The following PARD3 variants were observed in gnomAD, a reference collection of about 807,000 sequenced individuals.
The protein encoded by PARD3 is partitioning defective 3 homolog.
PARD3 carries 75 observed loss-of-function variants against 155.4 expected under a neutral mutation model. That is an observed-to-expected ratio of 0.48 (90% confidence interval 0.40 to 0.58). The LOEUF is 0.58. Ranked by LOEUF, PARD3 falls within the 20% of genes least tolerant of loss-of-function variation. The pLI, the probability that PARD3 is intolerant of heterozygous loss-of-function variation, is 0.00. For synonymous variants in PARD3, 576 were observed against 610.5 expected, an observed-to-expected ratio of 0.94 and a Z score of 0.83; for missense variants, 1,642 against 1,721.7, an observed-to-expected ratio of 0.95 and a Z score of 0.82.
At chr10:34,576,318 G>T (rs1361724940) in intron 2 of PARD3, among the ~76,000 whole-genome samples, 1 of 152,172 alleles carries the variant, frequency 6.6e-6, no homozygotes, top group East Asian at 1.9e-4. Flanking sequence ...ACCTTCCAGA[G>T]GGGCTGTCTG....
At chr10:34,211,983 C>T (rs945940007) in intron 22 of PARD3, among the ~76,000 whole-genome samples, 6 of 150,834 alleles carry the variant, frequency 4.0e-5, no homozygotes, top group Non-Finnish European at 8.8e-5. Flanking sequence ...TGGTATATCA[C>T]GTAAGATGTT....
At chr10:34,632,251 C>T (rs1035404579) in intron 2 of PARD3, among the ~76,000 whole-genome samples, 16 of 152,146 alleles carry the variant, frequency 1.1e-4, no homozygotes, top group African/African-American at 3.4e-4. Context: ...AAAGCAAGAC[C>T]GTGTCTCAAA....
rs576487752 is a variant in PARD3, at chr10:34,221,092, C to A, written c.3419+48565G>T. On this transcript the variant is annotated intron_variant, in intron 22 of 24. Coordinates refer to ENST00000374788, the MANE Select transcript of PARD3 (RefSeq NM_001184785.2). ...CAGGACCTCCTCCGTGGGTGTGCAACCCTGACAGGCACACAGAACCCAAGC... is the reference window on the plus strand; with the variant it reads ...CAGGACCTCCTCCGTGGGTGTGCAAACCTGACAGGCACACAGAACCCAAGC... 9.8e-5 allele frequency among the ~76,000 whole-genome samples: 15 copies of A among 152,312 alleles called. No individual in the cohort carries two copies. In the East Asian group the frequency reaches 2.7e-3, roughly 27 times the overall value.
chr10:34,415,711 G>C (rs917614846), intron 5 of PARD3, among the ~76,000 whole-genome samples: 1 of 152,130 alleles, frequency 6.6e-6, no homozygotes, highest in African/African-American at 2.4e-5. Flanking sequence ...GGAGACACTT[G>C]GAGGGGACAC....
intron 22 of PARD3, among the ~76,000 whole-genome samples, chr10:34,201,224 G>T (rs1951194472): frequency 1.3e-5 from 2 of 152,126 alleles, no homozygotes; most frequent in Admixed American, 1.3e-4. Flanking sequence ...GAGGATAAAG[G>T]GAACCAAGGC....
chr10:34,427,952 G>A (rs1221750220), intron 5 of PARD3, among the ~76,000 whole-genome samples: 1 of 152,142 alleles, frequency 6.6e-6, no homozygotes, highest in East Asian at 1.9e-4. Context: ...GAATGGGGGA[G>A]CTGGACAGTG....
At chr10:34,122,880 A>C (rs2132703280) in intron 23 of PARD3, among the ~76,000 whole-genome samples, 1 of 152,370 alleles carries the variant, frequency 6.6e-6, no homozygotes, top group Admixed American at 6.5e-5. Flanking sequence ...TGGCATGAAC[A>C]AAATAATGTA....
At chr10:34,790,253 C>T (rs189946990) in intron 1 of PARD3, among the ~76,000 whole-genome samples, 22 of 152,288 alleles carry the variant, frequency 1.4e-4, no homozygotes, top group Admixed American at 3.3e-4. Context: ...AAATAAAACA[C>T]GCTCACACAT....
intron 5 of PARD3, among the ~76,000 whole-genome samples, chr10:34,428,962 AAGAAT>A (rs1162438287): frequency 6.6e-6 from 1 of 152,220 alleles, no homozygotes; most frequent in Non-Finnish European, 1.5e-5. Context: ...TAGTAAAGAA[AAGAAT>A]AAACAATAAA....
At chr10:34,566,335 T>TACAGCAAAAC (rs1202075900) in intron 2 of PARD3, among the ~76,000 whole-genome samples, 1 of 152,186 alleles carries the variant, frequency 6.6e-6, no homozygotes, top group East Asian at 1.9e-4. Context: ...AGCTTAATCT[T>TACAGCAAAAC]ACAGCAAAAC....
chr10:34,445,319 T>C (rs2076682333), intron 5 of PARD3, among the ~76,000 whole-genome samples: 1 of 152,140 alleles, frequency 6.6e-6, no homozygotes, highest in South Asian at 2.1e-4. Context: ...TCTGAAAAAA[T>C]TTGAGAGGGA....
At chr10:34,746,018 C>A (rs7477851) in intron 1 of PARD3, among the ~76,000 whole-genome samples, 1 of 152,012 alleles carries the variant, frequency 6.6e-6, no homozygotes, top group Non-Finnish European at 1.5e-5. Context: ...AGGAGAATGG[C>A]GTGAATCCAG....
At chr10:34,194,235 TA>T (rs1249712709) in intron 22 of PARD3, among the ~76,000 whole-genome samples, 1 of 152,148 alleles carries the variant, frequency 6.6e-6, no homozygotes, top group Non-Finnish European at 1.5e-5. Flanking sequence ...CTTCTAGTTG[TA>T]AAATAATGTT....
At chr10:34,252,332 G>A (rs1255372614) in intron 22 of PARD3, among the ~76,000 whole-genome samples, 1 of 152,094 alleles carries the variant, frequency 6.6e-6, no homozygotes, top group Non-Finnish European at 1.5e-5. Flanking sequence ...CCCTCCTAAG[G>A]ACTGAGGCTC....
At chr10:34,292,386 CAGT>C (rs1467181283) in intron 20 of PARD3, among the ~76,000 whole-genome samples, 1 of 152,158 alleles carries the variant, frequency 6.6e-6, no homozygotes, top group African/African-American at 2.4e-5. Context: ...ATTTGCTCAG[CAGT>C]AGATTGTGGC....
At chr10:34,416,944 T>C (rs994567546) in intron 5 of PARD3, among the ~76,000 whole-genome samples, 1 of 152,222 alleles carries the variant, frequency 6.6e-6, no homozygotes, top group Non-Finnish European at 1.5e-5. Flanking sequence ...CCAAGCTAAC[T>C]TTGGGAGGAA....
intron 22 of PARD3, among the ~76,000 whole-genome samples, chr10:34,145,189 GTATATATATATA>G (rs575139416): frequency 1.4e-4 from 7 of 49,620 alleles, no homozygotes; most frequent in East Asian, 5.1e-4. Context: ...GTGTGTGTGT[GTATATATATATA>G]TATATATATA....
intron 22 of PARD3, among the ~76,000 whole-genome samples, chr10:34,154,316 G>C (rs555953401): frequency 3.3e-5 from 5 of 152,138 alleles, no homozygotes; most frequent in Non-Finnish European, 5.9e-5. Flanking sequence ...CTAATAATAC[G>C]TGTTGGGCAA....
chr10:34,678,204 G>A lies in PARD3; in HGVS notation c.222+18114C>T, dbSNP rs547836604. On this transcript the variant is annotated intron_variant, in intron 2 of 24. Coordinates refer to ENST00000374788, the MANE Select transcript of PARD3 (RefSeq NM_001184785.2). The stretch of plus-strand genomic sequence containing the variant: ...ATTCTCCCACCTCGGCCTCCAGAGT[G>A]GCTGGGCCTATAGGTGTGCACCACC... 3.3e-5 allele frequency among the ~76,000 whole-genome samples: 5 copies of A among 152,146 alleles called. No individual in the cohort carries two copies. In the South Asian group the frequency reaches 1.0e-3, roughly 32 times the overall value.
Sources: allele counts gnomAD v4.1 joint callset (sites outside exome capture counted in the v4.1 genomes callset), GRCh38; gene constraint gnomAD v4.1.1; transcripts MANE v1.5; gene names NCBI Gene and HGNC (gene_info 2026-07-23, HGNC 2026-07-21).